The following CYP7B1 variants were observed in gnomAD, a reference collection of about 807,000 sequenced individuals.
The protein encoded by CYP7B1 is cytochrome P450 family 7 subfamily B member 1.
CYP7B1 carries 29 observed loss-of-function variants against 42.7 expected under a neutral mutation model. The ratio of observed to expected loss-of-function variants is 0.68; its 90% CI spans 0.51 to 0.93. CYP7B1 has a LOEUF of 0.93. Among genes scored for constraint, CYP7B1 ranks in the 40% least tolerant of loss-of-function variants. The pLI is 0.00. For synonymous variants in CYP7B1, 235 were observed against 218.2 expected, an observed-to-expected ratio of 1.08 and a Z score of -0.68; for missense variants, 655 against 600.5, an observed-to-expected ratio of 1.09 and a Z score of -0.95.
chr8:64,753,099 G>A (rs548020123), intron 1 of CYP7B1, among the ~76,000 whole-genome samples: 1 of 152,276 alleles, frequency 6.6e-6, no homozygotes, highest in East Asian at 1.9e-4. Flanking sequence ...AAGATTTAAA[G>A]AGAAGACTTT....
At chr8:64,674,478 A>C (rs549376327) in intron 1 of CYP7B1, among the ~76,000 whole-genome samples, 1 of 152,152 alleles carries the variant, frequency 6.6e-6, no homozygotes, top group African/African-American at 2.4e-5. Flanking sequence ...AGTTTGATAC[A>C]TATTTGTTGA....
rs757503820 is a variant in CYP7B1 at position 64,771,047 on chromosome 8, CTTTTTTTTTTTT to C, written c.122+27407_122+27418del. On this transcript the variant is annotated intron_variant, in intron 1 of 5. Transcript: ENST00000310193. ...AATCTCAAGAGTGGGATATCAGCAT[CTTTTTTTTTTTT>C]TTTTTTTTTTTTTTTTTTTTTAGAC... Among the ~76,000 whole-genome samples, 45 of 42,500 alleles carry C rather than the reference CTTTTTTTTTTTT, an allele frequency of 1.1e-3. 1 individual carries two copies. Among genetic ancestry groups the C allele is most frequent in the South Asian group, 2.5e-3 (2 of 802 alleles). 27.9% of individuals were successfully genotyped at this position (42,500 alleles called of 152,430 possible).
At chr8:64,695,347 G>C (rs1322324901) in intron 1 of CYP7B1, among the ~76,000 whole-genome samples, 1 of 152,164 alleles carries the variant, frequency 6.6e-6, no homozygotes, top group African/African-American at 2.4e-5. Context: ...AGTAGGTTAG[G>C]ATGCAAAAAC....
At chr8:64,706,938 G>C (rs562433682) in intron 1 of CYP7B1, among the ~76,000 whole-genome samples, 34 of 152,136 alleles carry the variant, frequency 2.2e-4, no homozygotes, top group Middle Eastern at 6.8e-3. Flanking sequence ...AAACAGGATT[G>C]CCAAGCAGTC....
At chr8:64,654,293 T>TTTTGG (rs1806087447) in intron 1 of CYP7B1, among the ~76,000 whole-genome samples, 1 of 152,312 alleles carries the variant, frequency 6.6e-6, no homozygotes, top group African/African-American at 2.4e-5. Flanking sequence ...GCCCAAAAGC[T>TTTTGG]CCTTCAGTTG....
chr8:64,687,558 T>C (rs558729164), intron 1 of CYP7B1, among the ~76,000 whole-genome samples: 9 of 152,318 alleles, frequency 5.9e-5, no homozygotes, highest in Non-Finnish European at 1.2e-4. Context: ...TTTTATGATG[T>C]GTGAATTATA....
intron 1 of CYP7B1, among the ~76,000 whole-genome samples, chr8:64,785,568 T>C (rs1804510785): frequency 6.6e-6 from 1 of 152,112 alleles, no homozygotes; most frequent in Non-Finnish European, 1.5e-5. Context: ...TGGAAAAACC[T>C]TAAAGGCATA....
chr8:64,655,313 C>G (rs1806105213), intron 1 of CYP7B1, among the ~76,000 whole-genome samples: 1 of 151,954 alleles, frequency 6.6e-6, no homozygotes, highest in South Asian at 2.1e-4. Context: ...AAGAAACAGA[C>G]AAGCTTACAA....
At chr8:64,673,080 T>C (rs1806390733) in intron 1 of CYP7B1, among the ~76,000 whole-genome samples, 1 of 152,102 alleles carries the variant, frequency 6.6e-6, no homozygotes, top group African/African-American at 2.4e-5. Flanking sequence ...ACAAGCTACA[T>C]ACCTTGTCTC....
At chr8:64,664,487 G>A (rs1806246078) in intron 1 of CYP7B1, among the ~76,000 whole-genome samples, 1 of 152,156 alleles carries the variant, frequency 6.6e-6, no homozygotes, top group South Asian at 2.1e-4. Flanking sequence ...GAGAGAGAGA[G>A]AGAAACCAAG....
chr8:64,795,374 C>G (rs2129735607), intron 1 of CYP7B1, among the ~76,000 whole-genome samples: 1 of 152,274 alleles, frequency 6.6e-6, no homozygotes, highest in South Asian at 2.1e-4. Flanking sequence ...TGGCCCAGGC[C>G]CTCCTCTTCT....
At chr8:64,589,631 C>T (rs781419692), downstream of CYP7B1, among the ~76,000 whole-genome samples, 1 of 152,062 alleles carries the variant, frequency 6.6e-6, no homozygotes, top group Non-Finnish European at 1.5e-5. Context: ...ATCTATCAGG[C>T]AATAATGACA....
rs1585913785 is a variant in CYP7B1, at chr8:64,785,519, AG to A, written c.122+12946del. On this transcript the variant is annotated intron_variant, in intron 1 of 5. Transcript: ENST00000310193. ...ACATCTATGTAATTTAGAATAATTG[AG>A]TGATTAAAAAGAAGAGCTATCAAGC... Among the ~76,000 whole-genome samples, 6 of 152,344 alleles carry A rather than the reference AG, an allele frequency of 3.9e-5. No individual in the cohort carries two copies. The East Asian group carries it at 1.2e-3, about 29-fold the overall frequency.
intron 1 of CYP7B1, among the ~76,000 whole-genome samples, chr8:64,691,543 G>A (rs866818510): frequency 1.3e-5 from 2 of 149,200 alleles, no homozygotes; most frequent in African/African-American, 4.9e-5. Context: ...CTTTTCAACT[G>A]TAAATGCAAT....
At chr8:64,782,271 T>C (rs1804439212) in intron 1 of CYP7B1, among the ~76,000 whole-genome samples, 2 of 152,142 alleles carry the variant, frequency 1.3e-5, no homozygotes, top group African/African-American at 4.8e-5. Flanking sequence ...TGAAACCTAA[T>C]CTATAAGGTG....
intron 1 of CYP7B1, among the ~76,000 whole-genome samples, chr8:64,719,825 C>T (rs936881584): frequency 5.3e-5 from 8 of 152,184 alleles, no homozygotes; most frequent in Admixed American, 3.3e-4. Flanking sequence ...TCCAATTGAA[C>T]TGAACTGTTT....
chr8:64,709,810 T>C (rs979736501), intron 1 of CYP7B1, among the ~76,000 whole-genome samples: 1 of 152,178 alleles, frequency 6.6e-6, no homozygotes, highest in Non-Finnish European at 1.5e-5. Flanking sequence ...ACACTTAAGA[T>C]TGTTGAAAAT....
chr8:64,750,338 T>C (rs1317996872), intron 1 of CYP7B1, among the ~76,000 whole-genome samples: 2 of 152,160 alleles, frequency 1.3e-5, no homozygotes, highest in East Asian at 3.8e-4. Flanking sequence ...CCAGTGGTCT[T>C]TTTCTCTCCA....
intron 3 of CYP7B1, among the ~76,000 whole-genome samples, chr8:64,615,455 T>A (rs1805423989): frequency 6.7e-6 from 1 of 148,662 alleles, no homozygotes; most frequent in South Asian, 2.1e-4. Flanking sequence ...ATAAGAGGAG[T>A]AAATGCAGCT....
Sources: allele counts gnomAD v4.1 joint callset (sites outside exome capture counted in the v4.1 genomes callset), GRCh38; gene constraint gnomAD v4.1.1; transcripts MANE v1.5; gene names NCBI Gene and HGNC (gene_info 2026-07-23, HGNC 2026-07-21).